Variants in NBPF9 observed in about 807,000 individuals in gnomAD.
NBPF9 encodes NBPF member 9, also known as NBPF family member NBPF9.
NBPF9 carries 91 observed loss-of-function variants against 97.8 expected under a neutral mutation model. That is an observed-to-expected ratio of 0.93 (90% CI 0.79 to 1.11). NBPF9 has a LOEUF of 1.11. Among genes scored for constraint, NBPF9 ranks in the 50% least tolerant of loss-of-function variants. The probability of loss-of-function intolerance (pLI) is 0.00; values close to 1 mark genes in which losing one functional copy is unlikely to be tolerated. For missense variants in NBPF9, 992 were observed against 939.5 expected (o/e 1.06, Z -0.73); for synonymous variants, 334 against 359.5 (o/e 0.93, Z 0.80).
At chr1:149,082,074 C>G in exon 7 of NBPF9, 1 of 1,610,578 alleles carries the variant, frequency 6.2e-7, no homozygotes, top group Non-Finnish European at 8.5e-7. Flanking sequence ...GGCGCAATTT[C>G]TCGTTGATTT....
At chr1:149,060,995 ACT>A (rs2078561649) in intron 23 of NBPF9, 1 of 416,454 alleles carries the variant, frequency 2.4e-6, no homozygotes, top group Non-Finnish European at 4.4e-6. Flanking sequence ...GTAACAGGAC[ACT>A]CTGAGTTAGT....
At chr1:149,065,605 C>T (rs1419966828) in exon 18 of NBPF9, 4 of 1,607,028 alleles carry the variant, frequency 2.5e-6, no homozygotes, top group East Asian at 2.3e-5. Context: ...ACGAGGCCAA[C>T]ATTTCAGGAG....
rs1199735548 is a variant in NBPF9 at position 149,087,332 on chromosome 1, TACAC to T, written c.-195+3417_-195+3420del. Among the ~76,000 whole-genome samples the T allele has an allele frequency of 1.7e-4, 25 of 147,104 alleles. No homozygotes were observed. In the East Asian group the frequency reaches 2.2e-3, roughly 13 times the overall value. ...TCAAAACGGTGAATATATATATATA[TACAC>T]ACACACACACACACGTTTGTGTGTG... is the stretch of plus-strand genomic sequence containing the variant. On this transcript the variant is annotated intron_variant, in intron 5 of 29. Coordinates refer to ENST00000584027, the Ensembl canonical transcript of NBPF9.
At chr1:149,074,665 G>A (rs1281089783) in intron 12 of NBPF9, among the ~76,000 whole-genome samples, 3 of 151,292 alleles carry the variant, frequency 2.0e-5, no homozygotes, top group Non-Finnish European at 4.4e-5. Flanking sequence ...CACGGTCCCT[G>A]CTCTGTACAC....
chr1:149,071,015 A>C, exon 16 of NBPF9: 1 of 1,612,028 alleles, frequency 6.2e-7, no homozygotes, highest in Non-Finnish European at 8.5e-7. Flanking sequence ...TCTTCCTCAA[A>C]TGTGATTTTG....
intron 4 of NBPF9, among the ~76,000 whole-genome samples, chr1:149,094,148 T>C (rs1170913475): frequency 1.3e-5 from 2 of 152,024 alleles, no homozygotes; most frequent in African/African-American, 2.4e-5. Flanking sequence ...AAAGAAAAGA[T>C]AAAATAAAGA....
chr1:149,058,770 C>T, intron 26 of NBPF9, 155 bp downstream of exon 26: 1 of 653,142 alleles, frequency 1.5e-6, no homozygotes, highest in Non-Finnish European at 2.8e-6. Flanking sequence ...AGGCTTCCAA[C>T]TGAGACTACA....
intron 23 of NBPF9, 125 bp from the exon 24 acceptor site, chr1:149,060,820 G>A: frequency 2.6e-6 from 1 of 381,830 alleles, no homozygotes; most frequent in Non-Finnish European, 4.5e-6. Flanking sequence ...CATTAATGAG[G>A]TAACAAATTA....
In NBPF9 at chr1:149,072,942, G is replaced by A. The variant is rs1553653322; in HGVS notation, c.1092-10C>T. 3.1e-6 allele frequency: 5 copies of A among 1,606,330 alleles called. No individual in the cohort carries two copies. Among genetic ancestry groups the A allele is most frequent in the Non-Finnish European group, 3.4e-6 (4 of 1,175,326 alleles). On this transcript the variant is annotated splice_polypyrimidine_tract_variant and intron_variant, in intron 13 of 29. Coordinates refer to ENST00000584027, the Ensembl canonical transcript of NBPF9. ...CAGGACTTTATATTGCCTAAGGTGA[G>A]ATGGTAGAGAAAAATTAAGAGTGGA...
chr1:149,090,029 C>T (rs1470632440), intron 5 of NBPF9, among the ~76,000 whole-genome samples: 1 of 151,964 alleles, frequency 6.6e-6, no homozygotes, highest in Non-Finnish European at 1.5e-5. Flanking sequence ...TGCTTCTTCA[C>T]CTTTTCAATA....
intron 12 of NBPF9, among the ~76,000 whole-genome samples, chr1:149,074,869 T>C (rs1177406652): frequency 5.3e-5 from 8 of 151,258 alleles, no homozygotes; most frequent in South Asian, 2.1e-4. Context: ...TGGAGTGCAA[T>C]GGCAAAACCT....
intron 18 of NBPF9, chr1:149,064,834 C>A: frequency 1.8e-6 from 1 of 546,822 alleles, no homozygotes; most frequent in Non-Finnish European, 3.2e-6. Flanking sequence ...TCATCAAATA[C>A]CCAGAATTTG....
intron 5 of NBPF9, among the ~76,000 whole-genome samples, chr1:149,084,342 A>T (rs1553657833): frequency 6.8e-6 from 1 of 147,700 alleles, no homozygotes; most frequent in African/African-American, 2.5e-5. Context: ...GAATATATAT[A>T]ATATATATAC....
At position 149,063,504 on chromosome 1, in the gene NBPF9, T is replaced by C; in HGVS notation, c.2026+129A>G. On this transcript the variant is annotated intron_variant, in intron 20 of 29. Transcript: ENST00000584027. The stretch of plus-strand genomic sequence containing the variant: ...AGTGGAACTAGAGTTTCATTCAACG[T>C]ACATGTGCCTATAGGTCCTCCCTGT... 3 of 700,942 alleles carry C rather than the reference T, an allele frequency of 4.3e-6. No homozygotes were observed. In the South Asian group the frequency reaches 4.7e-5, roughly 11 times the overall value. 43.4% of individuals were successfully genotyped at this position (700,942 alleles called of 1,614,324 possible).
Position 149,071,826 on chromosome 1 carries a change from G to C in NBPF9, c.1307-150C>G, listed in dbSNP as rs587718986. On this transcript the variant is annotated intron_variant, in intron 14 of 29. Transcript: ENST00000584027. ...GTTTTATCTTTAACAGAATGCCCTG[G>C]CATGGTTTCCTGATCCATCAGGCAA... is the stretch of plus-strand genomic sequence containing the variant. The C allele has an allele frequency of 1.2e-3, 732 of 634,696 alleles. 4 individuals are homozygous for C. The highest frequency in any genetic ancestry group is 5.9e-3 in the South Asian group (323 of 54,328). 39.3% of individuals were successfully genotyped at this position (634,696 alleles called of 1,614,324 possible). A position where few individuals can be genotyped will look rare whatever the true frequency, so the allele number is the denominator to read the frequency against.
chr1:149,076,187 A>T (rs1488869083), intron 11 of NBPF9, among the ~76,000 whole-genome samples: 2 of 151,574 alleles, frequency 1.3e-5, no homozygotes, highest in East Asian at 3.9e-4. Flanking sequence ...TTGCTTTTTT[A>T]ATTTTTTTCT....
In NBPF9 at chr1:149,059,766, C is replaced by G. The variant is rs1262475625; in HGVS notation, c.2519G>C (p.Arg840Thr). ...TCCCCTTCTTCTTTTCTTCTTTGAT[C>G]TTCTTCCCCTTCTTTTCTTCCCCTT... The change falls in exon 25 of 30, where the codon AGA becomes ACA. Residue 840 changes from arginine (R) to threonine (T), a missense_variant. Around this residue, in one of 11 missense-constraint regions of NBPF9, gnomAD observed 397 missense variants for 213.6 expected, o/e 1.86. Transcript: ENST00000584027. 10 of 564,052 alleles carry G rather than the reference C, an allele frequency of 1.8e-5. 4 individuals carry two copies. The highest frequency in any genetic ancestry group is 3.1e-5 in the Non-Finnish European group (10 of 321,820). The allele number at this position is 564,052 out of a possible 1,614,324, so 34.9% of individuals were successfully genotyped here.
chr1:149,095,597 A>G (rs1165080015), intron 4 of NBPF9, among the ~76,000 whole-genome samples: 1 of 140,896 alleles, frequency 7.1e-6, no homozygotes, highest in Non-Finnish European at 1.5e-5. Flanking sequence ...ATATATGAAG[A>G]ATTCTGAGAA....
intron 4 of NBPF9, among the ~76,000 whole-genome samples, chr1:149,096,996 A>C (rs2660551): frequency 0.041 from 6,124 of 150,584 alleles, 442 homozygotes; most frequent in African/African-American, 0.14. Flanking sequence ...AGGAAAGAAA[A>C]AGAGAGAACA....
Sources: allele counts gnomAD v4.1 joint callset (sites outside exome capture counted in the v4.1 genomes callset), GRCh38; gene constraint gnomAD v4.1.1; regional missense constraint gnomAD v4.1.1; transcripts MANE v1.5; gene names NCBI Gene and HGNC (gene_info 2026-07-23, HGNC 2026-07-21).